CEP112: variants seen among roughly 807,000 people sequenced by gnomAD.
The protein encoded by CEP112 is centrosomal protein 112, also known as centrosomal protein of 112 kDa.
In CEP112, 127 loss-of-function variants were observed where a neutral mutation model predicts 153.0. The observed-to-expected ratio is 0.83, with a 90% CI of 0.72 to 0.96. CEP112 has a LOEUF of 0.96. CEP112 is among the 40% of genes least tolerant of loss of function. The pLI is 0.00. For missense variants in CEP112, 1,089 were observed against 1,101.2 expected, an observed-to-expected ratio of 0.99 and a Z score of 0.16; for synonymous variants, 358 against 374.4, an observed-to-expected ratio of 0.96 and a Z score of 0.51.
In CEP112 at chr17:66,191,778, G is replaced by A. The variant is rs1349613468; in HGVS notation, c.-9+219C>T. On this transcript the variant is annotated intron_variant, in intron 1 of 26. Transcript: ENST00000535342. This position sits in a 1 kb window ranked among gnomAD's most constrained non-coding sequence, Gnocchi z 4.2. The stretch of plus-strand genomic sequence containing the variant: ...ACTTAGAACTTTCCCAAGTCGTCCC[G>A]GCCTGGATCGCGCTCTGCCTGCCGG... 1 of 152,646 alleles carries A rather than the reference G, an allele frequency of 6.6e-6. No individual in the cohort carries two copies. The highest frequency in any genetic ancestry group is 1.9e-4 in the East Asian group (1 of 5,160). 9.5% of individuals were successfully genotyped at this position (152,646 alleles called of 1,614,324 possible).
intron 20 of CEP112, among the ~76,000 whole-genome samples, chr17:65,898,718 G>T (rs1485603881): frequency 6.6e-6 from 1 of 152,098 alleles, no homozygotes; most frequent in Non-Finnish European, 1.5e-5. Context: ...CAAGGTTGCT[G>T]CATTTAATTT....
intron 24 of CEP112, among the ~76,000 whole-genome samples, chr17:65,656,214 T>A (rs1409105163): frequency 3.9e-5 from 6 of 152,222 alleles, no homozygotes; most frequent in Non-Finnish European, 5.9e-5. Flanking sequence ...CCACTGGACT[T>A]TCCCCATTGA....
At chr17:66,178,099 A>G (rs890128123) in intron 2 of CEP112, among the ~76,000 whole-genome samples, 4 of 152,164 alleles carry the variant, frequency 2.6e-5, no homozygotes, top group South Asian at 2.1e-4. Context: ...TTGCTGGATC[A>G]CATGGTAGCT....
chr17:65,943,609 T>C (rs1005990808), intron 18 of CEP112, among the ~76,000 whole-genome samples: 13 of 152,312 alleles, frequency 8.5e-5, no homozygotes, highest in Non-Finnish European at 1.9e-4. Flanking sequence ...TCTTTGTAGG[T>C]GACCTGGCCT....
At position 66,163,771 on chromosome 17, in the gene CEP112, A is replaced by G. The variant is rs1194025589; in HGVS notation, c.470+11273T>C. Among the ~76,000 whole-genome samples, 4 of 152,308 alleles carry G rather than the reference A, an allele frequency of 2.6e-5. No homozygotes were observed. The East Asian group carries it at 7.7e-4, about 29-fold the overall frequency. ...ATATATCTCTGACTTAGAACACTCA[A>G]TATTTAAATTTCATTAAAATTAAAT... On this transcript the variant is annotated intron_variant, in intron 4 of 26. Coordinates refer to ENST00000535342, the MANE Select transcript of CEP112 (RefSeq NM_001199165.4).
chr17:66,139,810 G>C (rs1247178962), intron 4 of CEP112, among the ~76,000 whole-genome samples: 1 of 152,066 alleles, frequency 6.6e-6, no homozygotes, highest in Non-Finnish European at 1.5e-5. Flanking sequence ...TCCCAACCAA[G>C]AAAAGCCCAG....
intron 21 of CEP112, among the ~76,000 whole-genome samples, chr17:65,816,960 C>T (rs1020455741): frequency 3.9e-5 from 6 of 151,948 alleles, no homozygotes; most frequent in Non-Finnish European, 5.9e-5. Flanking sequence ...TCCATAAAAA[C>T]ATTGTGGAGG....
At chr17:66,159,989 A>G (rs1167517192) in intron 4 of CEP112, among the ~76,000 whole-genome samples, 1 of 152,242 alleles carries the variant, frequency 6.6e-6, no homozygotes, top group African/African-American at 2.4e-5. Flanking sequence ...CAACTTCAGC[A>G]AAGTCTCAGG....
chr17:65,728,697 A>G (rs1315581067), intron 23 of CEP112, among the ~76,000 whole-genome samples: 1 of 152,210 alleles, frequency 6.6e-6, no homozygotes, highest in Non-Finnish European at 1.5e-5. Context: ...ATATAAATAT[A>G]TCTAAGCAAA....
At position 65,851,273 on chromosome 17, in the gene CEP112, A is replaced by G. The variant is rs76061656; in HGVS notation, c.2394+531T>C. On this transcript the variant is annotated intron_variant, in intron 21 of 26. Transcript: ENST00000535342. The stretch of plus-strand genomic sequence containing the variant: ...AGATTGCACCTTTAATATAAGTCCA[A>G]TCAAAATGTGTAAACATTATATTGA... Among the ~76,000 whole-genome samples, 185 of 152,316 alleles carry G rather than the reference A, an allele frequency of 1.2e-3. 3 individuals carry two copies. The East Asian group carries it at 0.033, about 27-fold the overall frequency.
At chr17:66,172,646 T>C (rs1354141824) in intron 4 of CEP112, among the ~76,000 whole-genome samples, 2 of 152,142 alleles carry the variant, frequency 1.3e-5, no homozygotes, top group East Asian at 3.8e-4. Flanking sequence ...TATCCTGTAT[T>C]CCAAAGAAGA....
intron 20 of CEP112, among the ~76,000 whole-genome samples, chr17:65,866,265 G>A (rs968733613): frequency 3.9e-5 from 6 of 152,216 alleles, no homozygotes; most frequent in Admixed American, 1.3e-4. Flanking sequence ...CAGCCTGGCC[G>A]GTTGTGCGCA....
chr17:65,970,283 CATGG>C (rs1454543796), intron 17 of CEP112, among the ~76,000 whole-genome samples: 1 of 149,916 alleles, frequency 6.7e-6, no homozygotes, highest in African/African-American at 2.4e-5. Flanking sequence ...ATGTATGTAG[CATGG>C]ATGTCATACT....
At chr17:66,068,529 C>T (rs900167622) in intron 9 of CEP112, among the ~76,000 whole-genome samples, 1 of 152,126 alleles carries the variant, frequency 6.6e-6, no homozygotes, top group African/African-American at 2.4e-5. Context: ...AAATTTTACG[C>T]CTTGCCAATT....
At position 66,180,465 on chromosome 17, in the gene CEP112, C is replaced by A. The variant is rs193031166; in HGVS notation, c.106+2729G>T. Among the ~76,000 whole-genome samples the A allele has an allele frequency of 2.9e-3, 437 of 152,084 alleles. 1 individual carries two copies. Among genetic ancestry groups the A allele is most frequent in the South Asian group, 5.8e-3 (28 of 4,808 alleles). On this transcript the variant is annotated intron_variant, in intron 2 of 26. Coordinates refer to ENST00000535342, the MANE Select transcript of CEP112 (RefSeq NM_001199165.4). ...AACCTTGAAAGAGATAAAATGCAATCTCTGATTTATCTAAGCATTTTCAAC... is the reference window on the plus strand; with the variant it reads ...AACCTTGAAAGAGATAAAATGCAATATCTGATTTATCTAAGCATTTTCAAC...
chr17:65,990,102 G>T (rs2063543083), intron 17 of CEP112, among the ~76,000 whole-genome samples: 2 of 152,076 alleles, frequency 1.3e-5, no homozygotes, highest in African/African-American at 4.8e-5. Context: ...GGAAGAAAGG[G>T]AAAGAGAAGT....
intron 8 of CEP112, among the ~76,000 whole-genome samples, chr17:66,071,614 G>A (rs1024559581): frequency 6.6e-6 from 1 of 152,044 alleles, no homozygotes; most frequent in African/African-American, 2.4e-5. Flanking sequence ...TATTGACCAA[G>A]TTAGGAATAA....
intron 12 of CEP112, among the ~76,000 whole-genome samples, chr17:66,038,125 G>GAAAAGAA (rs1207564993): frequency 1.4e-5 from 2 of 140,798 alleles, no homozygotes; most frequent in Non-Finnish European, 3.1e-5. Flanking sequence ...GAAAAGAAAA[G>GAAAAGAA]AAAAGAAAAA....
intron 17 of CEP112, among the ~76,000 whole-genome samples, chr17:65,996,210 C>A (rs2063786424): frequency 6.7e-6 from 1 of 149,716 alleles, no homozygotes; most frequent in Non-Finnish European, 1.5e-5. Context: ...TTTTTAAAAT[C>A]ATTATATTTG....
Sources: gnomAD v4.1 joint callset for allele counts (sites outside exome capture counted in the v4.1 genomes callset) on GRCh38, gnomAD v4.1.1 for gene constraint, Gnocchi (gnomAD v3.1) non-coding constraint, MANE v1.5 for transcripts, NCBI Gene and HGNC (gene_info 2026-07-23, HGNC 2026-07-21) for gene names.